Variants in WWC2 observed in about 807,000 individuals in gnomAD.
WWC2 encodes the protein WW and C2 domain containing 2, also known as protein WWC2.
Under a neutral mutation model 138.5 loss-of-function variants are expected in WWC2, and 101 were observed. The ratio of observed to expected loss-of-function variants is 0.73; its 90% confidence interval spans 0.62 to 0.86. The LOEUF is 0.86. Among genes scored for constraint, WWC2 ranks in the 40% least tolerant of loss-of-function variants. The pLI, the probability that WWC2 is intolerant of heterozygous loss-of-function variation, is 0.00. For synonymous variants in WWC2, 558 were observed against 538.4 expected (o/e 1.04, Z -0.50); for missense variants, 1,420 against 1,419.4 (o/e 1.00, Z -0.01).
At chr4:183,287,123 A>C (rs1415771701) in intron 20 of WWC2, among the ~76,000 whole-genome samples, 1 of 151,936 alleles carries the variant, frequency 6.6e-6, no homozygotes, top group African/African-American at 2.4e-5. Flanking sequence ...CACCAGGGCC[A>C]CTCTGGTCTC....
intron 20 of WWC2, among the ~76,000 whole-genome samples, chr4:183,287,226 A>G (rs931801405): frequency 6.6e-6 from 1 of 152,140 alleles, no homozygotes; most frequent in Admixed American, 6.5e-5. Flanking sequence ...ATAAAAGAAT[A>G]TTTTGTTTTT....
At chr4:183,255,734 A>T (rs1477070558) in intron 9 of WWC2, among the ~76,000 whole-genome samples, 1 of 152,168 alleles carries the variant, frequency 6.6e-6, no homozygotes, top group African/African-American at 2.4e-5. Flanking sequence ...GCTTCCAAAA[A>T]ATGACTCATG....
intron 21 of WWC2, among the ~76,000 whole-genome samples, chr4:183,306,599 C>T (rs376578247): frequency 6.6e-6 from 1 of 151,422 alleles, no homozygotes; most frequent in African/African-American, 2.4e-5. Context: ...GATGGAGTCT[C>T]GCTCTGTCAC....
chr4:183,154,993 A>G (rs893909723), intron 1 of WWC2, among the ~76,000 whole-genome samples: 1 of 152,180 alleles, frequency 6.6e-6, no homozygotes, highest in Non-Finnish European at 1.5e-5. Context: ...GTCCCATTGT[A>G]TTATAGAATA....
At chr4:183,193,049 G>T (rs1735035617) in intron 1 of WWC2, among the ~76,000 whole-genome samples, 1 of 152,150 alleles carries the variant, frequency 6.6e-6, no homozygotes, top group Admixed American at 6.5e-5. Context: ...TGGTGTATTT[G>T]GTTCAGTTAA....
intron 1 of WWC2, among the ~76,000 whole-genome samples, chr4:183,113,249 T>C (rs550480199): frequency 6.6e-6 from 1 of 152,058 alleles, no homozygotes; most frequent in African/African-American, 2.4e-5. Flanking sequence ...ATACAGAACG[T>C]TTCCATCAGC....
intron 5 of WWC2, 31 bp from the exon 6 acceptor site, chr4:183,245,385 A>T: frequency 3.4e-6 from 5 of 1,479,976 alleles, no homozygotes; most frequent in Non-Finnish European, 4.5e-6. Context: ...TCATTCTTTG[A>T]TATTTTTTCT....
chr4:183,302,201 A>G lies in WWC2; in HGVS notation c.3385-10140A>G, dbSNP rs561539017. Among the ~76,000 whole-genome samples the G allele has an allele frequency of 4.6e-5, 7 of 152,364 alleles. No homozygotes were observed. In the South Asian group the frequency reaches 1.2e-3, roughly 27 times the overall value. Reference sequence around the variant, plus strand: ...AATTCTTAGTAAGAGAATTGCTGATAGTATCAGTTTGGCCGTGAACCATAG... The same window carrying G: ...AATTCTTAGTAAGAGAATTGCTGATGGTATCAGTTTGGCCGTGAACCATAG... On this transcript the variant is annotated intron_variant, in intron 21 of 22. Coordinates refer to ENST00000403733, the MANE Select transcript of WWC2 (RefSeq NM_024949.6).
intron 1 of WWC2, among the ~76,000 whole-genome samples, chr4:183,123,837 G>A (rs1345516530): frequency 6.6e-6 from 1 of 151,898 alleles, no homozygotes; most frequent in African/African-American, 2.4e-5. Context: ...TTGATATGAA[G>A]CTGGATTCTA....
chr4:183,158,812 G>A (rs1300817339), intron 1 of WWC2, among the ~76,000 whole-genome samples: 1 of 152,154 alleles, frequency 6.6e-6, no homozygotes, highest in East Asian at 1.9e-4. Context: ...GGAAAAGATG[G>A]GAAGTTTGCT....
intron 1 of WWC2, among the ~76,000 whole-genome samples, chr4:183,120,380 A>G (rs1188174134): frequency 6.6e-6 from 1 of 152,212 alleles, no homozygotes; most frequent in Non-Finnish European, 1.5e-5. Context: ...TTAGGGTTAA[A>G]ATGCATGTAC....
Position 183,245,453 on chromosome 4 carries a change from G to T in WWC2, c.640G>T (p.Glu214Ter). 1 of 1,601,230 alleles carries T rather than the reference G, an allele frequency of 6.2e-7. No homozygotes were observed. Among genetic ancestry groups the T allele is most frequent in the South Asian group, 1.1e-5 (1 of 88,724 alleles). ...AATGTCTGGAGGCCAGAGCGGGTAT[G>T]AACTCAGTGAAGCCAAAGCCATTCT... ...KKMSGGQSGY[E>*]LSEAKAILTE... is the part of the protein sequence containing the mutation. Residue 214 changes from glutamate (E) to a stop codon, truncating the protein, a stop_gained, in exon 6 of 23, where the codon GAA becomes TAA. Coordinates refer to ENST00000403733, the MANE Select transcript of WWC2 (RefSeq NM_024949.6). LOFTEE classifies it high-confidence loss of function.
intron 9 of WWC2, among the ~76,000 whole-genome samples, chr4:183,256,596 G>A (rs1374595153): frequency 1.3e-5 from 2 of 152,070 alleles, no homozygotes; most frequent in Non-Finnish European, 2.9e-5. Flanking sequence ...GTCAAAGCAG[G>A]GCTGGCTGGA....
At chr4:183,124,816 C>G (rs1176036007) in intron 1 of WWC2, among the ~76,000 whole-genome samples, 1 of 152,160 alleles carries the variant, frequency 6.6e-6, no homozygotes, top group Non-Finnish European at 1.5e-5. Flanking sequence ...GTCTTGAACT[C>G]TTGACCTTGT....
At chr4:183,290,986 A>C (rs1738432674) in intron 21 of WWC2, among the ~76,000 whole-genome samples, 2 of 152,250 alleles carry the variant, frequency 1.3e-5, no homozygotes, top group South Asian at 4.1e-4. Context: ...AACTTTAAGC[A>C]ACAAAATGTA....
At chr4:183,201,033 TCA>T (rs1735280506) in intron 2 of WWC2, among the ~76,000 whole-genome samples, 1 of 152,240 alleles carries the variant, frequency 6.6e-6, no homozygotes, top group African/African-American at 2.4e-5. Context: ...CAGGTTGCAC[TCA>T]CATATATAAA....
Position 183,099,273 on chromosome 4 carries a change from T to C in WWC2, c.-219T>C, listed in dbSNP as rs1199079163. ...GGGGGAGGAGGGTTCGCTCGCCGGC[T>C]CCGACGCAGACATGGTGGACTGATC... On this transcript the variant is annotated 5_prime_UTR_variant, in exon 1 of 23. Transcript: ENST00000403733. 1.1e-5 allele frequency: 3 copies of C among 268,736 alleles called. No homozygotes were observed. Among genetic ancestry groups the C allele is most frequent in the South Asian group, 1.6e-4 (1 of 6,340 alleles). 16.6% of individuals were successfully genotyped at this position (268,736 alleles called of 1,614,324 possible). A position where few individuals can be genotyped will look rare whatever the true frequency, so the allele number is the denominator to read the frequency against.
intron 13 of WWC2, 41 bp downstream of exon 13, chr4:183,265,809 T>G (rs746179713): frequency 3.1e-6 from 5 of 1,608,978 alleles, no homozygotes; most frequent in Admixed American, 1.7e-5. Context: ...CTGACATCTG[T>G]GCAGGGCAAG....
chr4:183,117,080 C>T (rs1732435503), intron 1 of WWC2, among the ~76,000 whole-genome samples: 1 of 152,106 alleles, frequency 6.6e-6, no homozygotes, highest in South Asian at 2.1e-4. Flanking sequence ...GAACCATCTC[C>T]TTTTCAAATG....
Sources: allele counts gnomAD v4.1 joint callset (sites outside exome capture counted in the v4.1 genomes callset), GRCh38; gene constraint gnomAD v4.1.1; transcripts MANE v1.5; gene names NCBI Gene and HGNC (gene_info 2026-07-23, HGNC 2026-07-21).